WDFY4: variants seen among roughly 807,000 people sequenced by gnomAD.
The protein encoded by WDFY4 is WDFY family member 4.
WDFY4 carries 169 observed loss-of-function variants against 351.9 expected under a neutral mutation model. That is an observed-to-expected ratio of 0.48 (90% CI 0.42 to 0.55). WDFY4 has a LOEUF of 0.55. WDFY4 is among the 20% of genes least tolerant of loss of function. The pLI, the probability that WDFY4 is intolerant of heterozygous loss-of-function variation, is 0.00. For missense variants in WDFY4, 3,803 were observed against 3,935.6 expected (o/e 0.97, Z 0.90); for synonymous variants, 1,622 against 1,574.6 (o/e 1.03, Z -0.71).
At chr10:48,766,972 G>A (rs1417860401) in intron 13 of WDFY4, among the ~76,000 whole-genome samples, 2 of 152,176 alleles carry the variant, frequency 1.3e-5, no homozygotes, top group Non-Finnish European at 2.9e-5. Context: ...TTTAATTAAG[G>A]AGACATGAAA....
At chr10:48,713,221 G>A (rs2063813078) in intron 2 of WDFY4, among the ~76,000 whole-genome samples, 1 of 152,148 alleles carries the variant, frequency 6.6e-6, no homozygotes, top group Admixed American at 6.5e-5. Context: ...ACAGCTGTGT[G>A]TGCCTCTCCT....
At chr10:48,885,730 C>G (rs115119937) in intron 43 of WDFY4, among the ~76,000 whole-genome samples, 2 of 151,022 alleles carry the variant, frequency 1.3e-5, no homozygotes, top group Non-Finnish European at 1.5e-5. Flanking sequence ...CTCTCTCTCT[C>G]TCTCTATATA....
chr10:48,741,053 C>T (rs1028368412), intron 11 of WDFY4, among the ~76,000 whole-genome samples: 3 of 152,102 alleles, frequency 2.0e-5, no homozygotes, highest in Non-Finnish European at 2.9e-5. Flanking sequence ...TTTTAAATTT[C>T]TGGAAATGTC....
chr10:48,779,493 A>T (rs1471811263), intron 18 of WDFY4, among the ~76,000 whole-genome samples: 1 of 152,168 alleles, frequency 6.6e-6, no homozygotes, highest in African/African-American at 2.4e-5. Flanking sequence ...GAAACAGTGG[A>T]AGCGGCTGAC....
chr10:48,919,877 T>C (rs1465511385), intron 47 of WDFY4, among the ~76,000 whole-genome samples: 1 of 150,850 alleles, frequency 6.6e-6, no homozygotes, highest in Non-Finnish European at 1.5e-5. Context: ...CAAAAAAAAA[T>C]AGAATAGAGA....
intron 39 of WDFY4, among the ~76,000 whole-genome samples, chr10:48,858,234 G>T (rs2069208579): frequency 1.3e-5 from 2 of 152,104 alleles, no homozygotes; most frequent in African/African-American, 4.8e-5. Context: ...TTTTAATGTT[G>T]ATGTCCAGTT....
At chr10:48,729,279 G>C (rs1011384675) in intron 7 of WDFY4, among the ~76,000 whole-genome samples, 153 bp from the exon 8 acceptor site, 1 of 152,252 alleles carries the variant, frequency 6.6e-6, no homozygotes. Flanking sequence ...TATCCAGGGC[G>C]CTCCCTTGCC....
intron 20 of WDFY4, among the ~76,000 whole-genome samples, chr10:48,787,435 T>C (rs891279297): frequency 6.6e-6 from 1 of 152,226 alleles, no homozygotes; most frequent in African/African-American, 2.4e-5. Context: ...CTGTGGCAAA[T>C]GGCACTGGCC....
At chr10:48,753,206 A>G (rs2065236930) in intron 12 of WDFY4, among the ~76,000 whole-genome samples, 1 of 151,978 alleles carries the variant, frequency 6.6e-6, no homozygotes, top group African/African-American at 2.4e-5. Context: ...CCATATTTTA[A>G]TTGGGTTGTT....
intron 11 of WDFY4, among the ~76,000 whole-genome samples, chr10:48,739,585 G>A (rs1213221602): frequency 6.6e-6 from 1 of 152,040 alleles, no homozygotes; most frequent in African/African-American, 2.4e-5. Context: ...CTTTGTAATT[G>A]GATTTTGGAC....
intron 13 of WDFY4, among the ~76,000 whole-genome samples, chr10:48,773,617 G>C (rs944023979): frequency 1.3e-5 from 2 of 152,242 alleles, no homozygotes; most frequent in African/African-American, 4.8e-5. Flanking sequence ...ACCTAGTTCA[G>C]GGTTAAGATA....
At chr10:48,790,526 A>G (rs2066642293) in intron 22 of WDFY4, among the ~76,000 whole-genome samples, 1 of 152,162 alleles carries the variant, frequency 6.6e-6, no homozygotes, top group African/African-American at 2.4e-5. Context: ...CAAAGAAATG[A>G]CTTAGCACAG....
At chr10:48,782,923 G>C (rs2066275931) in intron 19 of WDFY4, among the ~76,000 whole-genome samples, 1 of 152,188 alleles carries the variant, frequency 6.6e-6, no homozygotes, top group South Asian at 2.1e-4. Context: ...AGGTGGGTTG[G>C]AGGGGTGAGT....
intron 51 of WDFY4, among the ~76,000 whole-genome samples, chr10:48,952,880 T>A (rs1841397222): frequency 6.6e-6 from 1 of 152,214 alleles, no homozygotes. Flanking sequence ...CAGTAGCGTG[T>A]CAGGGCCTGG....
At chr10:48,820,057 T>C (rs2067762760) in intron 32 of WDFY4, among the ~76,000 whole-genome samples, 177 bp from the exon 33 acceptor site, 1 of 152,178 alleles carries the variant, frequency 6.6e-6, no homozygotes, top group African/African-American at 2.4e-5. Context: ...TCTCAAACAG[T>C]AGCAGGCCAC....
intron 54 of WDFY4, among the ~76,000 whole-genome samples, chr10:48,966,318 G>C (rs1842079644): frequency 6.6e-6 from 1 of 152,140 alleles, no homozygotes; most frequent in African/African-American, 2.4e-5. Context: ...TTATGACCTT[G>C]AAAAAGTAGC....
intron 20 of WDFY4, among the ~76,000 whole-genome samples, chr10:48,787,935 T>TCTTCTTCTTCTTCTTCTC (rs1589610811): frequency 1.0e-5 from 1 of 96,468 alleles, no homozygotes; most frequent in South Asian, 3.9e-4. Context: ...TTCTTCTTCT[T>TCTTCTTCTTCTTCTTCTC]CTTCTTCTTC....
intron 61 of WDFY4, among the ~76,000 whole-genome samples, chr10:48,982,132 A>G (rs907950306): frequency 6.6e-6 from 1 of 152,182 alleles, no homozygotes; most frequent in Admixed American, 6.5e-5. Flanking sequence ...TGGGGTGGGC[A>G]TGATGGTAGG....
intron 40 of WDFY4, among the ~76,000 whole-genome samples, chr10:48,869,218 A>G (rs1010100109): frequency 7.2e-5 from 11 of 152,184 alleles, no homozygotes. Flanking sequence ...CCACTTCCAG[A>G]AAAGTCAGGT....
Sources: gnomAD v4.1 joint callset for allele counts (sites outside exome capture counted in the v4.1 genomes callset) on GRCh38, gnomAD v4.1.1 for gene constraint, MANE v1.5 for transcripts, NCBI Gene and HGNC (gene_info 2026-07-23, HGNC 2026-07-21) for gene names.